The following ATXN2 variants were observed in gnomAD, a reference collection of about 807,000 sequenced individuals.
ATXN2 encodes the protein ataxin-2.
Under a neutral mutation model 138.6 loss-of-function variants are expected in ATXN2, and 37 were observed. The ratio of observed to expected loss-of-function variants is 0.27; its 90% CI spans 0.21 to 0.35. The LOEUF is 0.35. Among genes scored for constraint, ATXN2 ranks in the 10% least tolerant of loss-of-function variants. The pLI is 1.00. For missense variants in ATXN2, 1,216 were observed against 1,480.3 expected (o/e 0.82, Z 2.93); for synonymous variants, 549 against 543.7 (o/e 1.01, Z -0.13).
chr12:111,577,657 G>A (rs183517741), intron 1 of ATXN2, among the ~76,000 whole-genome samples: 5 of 152,266 alleles, frequency 3.3e-5, no homozygotes, highest in African/African-American at 7.2e-5. Context: ...TTGACCAGGC[G>A]TGATGGCTCA....
At chr12:111,594,442 G>A (rs1359358969) in intron 1 of ATXN2, among the ~76,000 whole-genome samples, 1 of 151,922 alleles carries the variant, frequency 6.6e-6, no homozygotes, top group Non-Finnish European at 1.5e-5. Context: ...GGGCTCAAGT[G>A]ATGCTCCTGC....
upstream of ATXN2, chr12:111,599,560 A>C (rs1473230581): frequency 1.9e-5 from 22 of 1,166,334 alleles, no homozygotes; most frequent in Non-Finnish European, 2.3e-5. Flanking sequence ...GGAGGTGCGG[A>C]TAGGGACTCT....
At chr12:111,548,048 C>T (rs1326519665) in intron 5 of ATXN2, among the ~76,000 whole-genome samples, 1 of 151,614 alleles carries the variant, frequency 6.6e-6, no homozygotes, top group African/African-American at 2.4e-5. Flanking sequence ...CAAAAATTAC[C>T]CGGGTGTGGT....
In ATXN2 at chr12:111,512,300, G is replaced by GT. The variant is rs112796017; in HGVS notation, c.1558+1056dup. On this transcript the variant is annotated intron_variant, in intron 11 of 24. Transcript: ENST00000673436. The stretch of plus-strand genomic sequence containing the variant: ...CTGGACTGATTAAAAGAGAAAAAGT[G>GT]TTTTTTTTGTTTGTTTGTTTGTTTG... Among the ~76,000 whole-genome samples the GT allele has an allele frequency of 1.2e-3, 180 of 150,920 alleles. 1 individual carries two copies. Among genetic ancestry groups the GT allele is most frequent in the African/African-American group, 3.9e-3 (158 of 40,796 alleles).
chr12:111,491,641 C>G (rs1295032783), intron 14 of ATXN2, among the ~76,000 whole-genome samples: 1 of 152,224 alleles, frequency 6.6e-6, no homozygotes, highest in Non-Finnish European at 1.5e-5. Flanking sequence ...TAGACATATT[C>G]TGGACCAGAA....
At position 111,598,937 on chromosome 12, in the gene ATXN2, G is replaced by T; in HGVS notation, c.98C>A (p.Ala33Asp). The T allele has an allele frequency of 6.6e-7, 1 of 1,510,852 alleles. No homozygotes were observed. The allele number at this position is 1,510,852 out of a possible 1,614,324, so 93.6% of individuals were successfully genotyped here. Residue 33 changes from alanine (A) to aspartate (D), a missense_variant, in exon 1 of 25, where the codon GCT becomes GAT. Coordinates refer to ENST00000673436, the MANE Select transcript of ATXN2 (RefSeq NM_001372574.1). This position sits in a 1 kb window ranked among gnomAD's most constrained non-coding sequence, Gnocchi z 4.5. ...GCCGCCGGGCTTGCGGACATTGGCA[G>T]CCGCGGGCGGCGGCTGCTGCTGCTG... is the stretch of plus-strand genomic sequence containing the variant. ...QQQQQQPPPA[A>D]ANVRKPGGSG...
intron 1 of ATXN2, among the ~76,000 whole-genome samples, chr12:111,595,065 C>T (rs1434342917): frequency 6.6e-6 from 1 of 152,102 alleles, no homozygotes; most frequent in Non-Finnish European, 1.5e-5. Flanking sequence ...GCAATTTTTC[C>T]TTTAAAAATT....
chr12:111,591,651 A>G (rs913126280), intron 1 of ATXN2, among the ~76,000 whole-genome samples: 3 of 152,218 alleles, frequency 2.0e-5, no homozygotes. Context: ...AAAAAAATAA[A>G]TAAAGGGAGA....
chr12:111,488,728 C>G lies in ATXN2; in HGVS notation c.1988G>C (p.Arg663Thr), dbSNP rs1489001510. Reference sequence around the variant, plus strand: ...CAAATCTCTTGATTTTTCTCCCTCTCTATTTTTGTTTAGTAGTTGATCCAT... The same window carrying G: ...CAAATCTCTTGATTTTTCTCCCTCTGTATTTTTGTTTAGTAGTTGATCCAT... Reference protein sequence around the residue: ...ESMDQLLNKNREGEKSRDLIK... With the variant: ...ESMDQLLNKNTEGEKSRDLIK... The change falls in exon 15 of 25, where the codon AGA becomes ACA. Residue 663 changes from arginine to threonine, a missense_variant. Arg to Thr is a moderately conservative substitution (Grantham distance 71, BLOSUM62 -1). Around this residue, in one of 4 missense-constraint regions of ATXN2, gnomAD observed 490 missense variants for 653.5 expected, o/e 0.75. Coordinates refer to ENST00000673436, the MANE Select transcript of ATXN2 (RefSeq NM_001372574.1). 9 of 1,610,872 alleles carry G rather than the reference C, an allele frequency of 5.6e-6. No individual in the cohort carries two copies. The highest frequency in any genetic ancestry group is 5.5e-5 in the South Asian group (5 of 90,722).
At chr12:111,456,564 G>A (rs1410816503) in intron 22 of ATXN2, among the ~76,000 whole-genome samples, 1 of 152,144 alleles carries the variant, frequency 6.6e-6, no homozygotes, top group Non-Finnish European at 1.5e-5. Flanking sequence ...GCCTCCATTA[G>A]CAAACATAAT....
In ATXN2 at chr12:111,453,887, G is replaced by A. The variant is rs780643844; in HGVS notation, c.3271-42C>T. On this transcript the variant is annotated intron_variant, in intron 23 of 24. Transcript: ENST00000673436. This position sits in a 1 kb window ranked among gnomAD's most constrained non-coding sequence, Gnocchi z 5.4. The stretch of plus-strand genomic sequence containing the variant: ...TTTTACGCATACAGGCAACATCTCC[G>A]GCTTCAACAACATGTCAACTGTGTT... The A allele has an allele frequency of 2.5e-5, 39 of 1,558,680 alleles. No individual in the cohort carries two copies. Among genetic ancestry groups the A allele is most frequent in the South Asian group, 1.9e-4 (16 of 83,640 alleles).
intron 11 of ATXN2, 109 bp downstream of exon 11, chr12:111,513,248 T>A: frequency 7.9e-7 from 1 of 1,271,086 alleles, no homozygotes; most frequent in Non-Finnish European, 1.1e-6. Flanking sequence ...TTCTACTATT[T>A]TTAACATATA....
intron 1 of ATXN2, among the ~76,000 whole-genome samples, chr12:111,569,962 T>C (rs1219866820): frequency 6.6e-6 from 1 of 152,208 alleles, no homozygotes; most frequent in Non-Finnish European, 1.5e-5. Flanking sequence ...CTGTCCAATA[T>C]TGCAGCCATT....
chr12:111,576,132 T>TAACATAACATAACACAACA (rs147474684), intron 1 of ATXN2, among the ~76,000 whole-genome samples: 3 of 138,488 alleles, frequency 2.2e-5, no homozygotes, highest in African/African-American at 7.9e-5. Context: ...TAACATAACA[T>TAACATAACATAACACAACA]AACATCACAC....
intron 5 of ATXN2, among the ~76,000 whole-genome samples, chr12:111,549,748 A>G (rs752164011): frequency 3.3e-5 from 5 of 152,176 alleles, no homozygotes; most frequent in Non-Finnish European, 7.3e-5. Context: ...TGTATAATTC[A>G]CTAAACCACT....
rs112065630 is a variant in ATXN2, at chr12:111,483,957, A to AT, written c.2524+1307dup. Among the ~76,000 whole-genome samples the AT allele has an allele frequency of 1.2e-3, 173 of 144,518 alleles. 2 individuals are homozygous for AT. The highest frequency in any genetic ancestry group is 7.5e-3 in the East Asian group (36 of 4,832). The allele number at this position is 144,518 out of a possible 152,430, so 94.8% of individuals were successfully genotyped here. A position where few individuals can be genotyped will look rare whatever the true frequency, so the allele number is the denominator to read the frequency against. ...ACCATGACGGCTGGCTAAGATTTCT[A>AT]TTTTTTTTTTGCAGAGATAGGTTTT... On this transcript the variant is annotated intron_variant, in intron 18 of 24. Transcript: ENST00000673436.
intron 20 of ATXN2, among the ~76,000 whole-genome samples, chr12:111,467,893 T>C (rs1876133049): frequency 6.6e-6 from 1 of 152,220 alleles, no homozygotes; most frequent in Non-Finnish European, 1.5e-5. Flanking sequence ...TGGCAGTGAA[T>C]GAACACAATG....
rs1194475672 is a variant in ATXN2 at position 111,582,977 on chromosome 12, GTT to G, written c.251+15805_251+15806del. On this transcript the variant is annotated intron_variant, in intron 1 of 24. Coordinates refer to ENST00000673436, the MANE Select transcript of ATXN2 (RefSeq NM_001372574.1). ...GCCACCGCGCCCGGCCAGTATCTCA[GTT>G]TTTTTTTTTGTTTGTTTTTTTTTTT... 9.7e-4 allele frequency among the ~76,000 whole-genome samples: 106 copies of G among 109,464 alleles called. 1 individual carries two copies. Among genetic ancestry groups the G allele is most frequent in the African/African-American group, 3.6e-3 (105 of 29,148 alleles). 71.8% of individuals were successfully genotyped at this position (109,464 alleles called of 152,430 possible).
At chr12:111,496,776 C>G (rs1396892894) in intron 14 of ATXN2, among the ~76,000 whole-genome samples, 2 of 151,750 alleles carry the variant, frequency 1.3e-5, no homozygotes, top group African/African-American at 4.8e-5. Context: ...TAAGTGCCTA[C>G]ATCAAAAAAG....
Sources: gnomAD v4.1 joint callset for allele counts (sites outside exome capture counted in the v4.1 genomes callset) on GRCh38, gnomAD v4.1.1 for gene constraint, gnomAD v4.1.1 regional missense constraint, Gnocchi (gnomAD v3.1) non-coding constraint, MANE v1.5 for transcripts, NCBI Gene and HGNC (gene_info 2026-07-23, HGNC 2026-07-21) for gene names.